The following UBE2D1 variants were observed in gnomAD, a reference collection of about 807,000 sequenced individuals.
UBE2D1 encodes ubiquitin-conjugating enzyme E2 D1.
Under a neutral mutation model 24.6 loss-of-function variants are expected in UBE2D1, and 9 were observed. The observed-to-expected ratio is 0.37, with a 90% confidence interval of 0.22 to 0.64. The LOEUF (loss-of-function observed/expected upper bound fraction) is 0.64. UBE2D1 is among the 30% of genes least tolerant of loss of function. UBE2D1 has a pLI of 0.64. For synonymous variants in UBE2D1, 57 were observed against 57.6 expected (o/e 0.99, Z 0.04); for missense variants, 87 against 177.1 (o/e 0.49, Z 2.89).
Position 58,363,303 on chromosome 10 carries a change from T to C in UBE2D1, c.121-306T>C, listed in dbSNP as rs1190099346. On this transcript the variant is annotated intron_variant, in intron 3 of 6. Transcript: ENST00000373910. ...ACTGATCTTTAACAATTTGTACTCA[T>C]AACCAGATTTGTTTGGACAAGTCAC... Among the ~76,000 whole-genome samples the C allele has an allele frequency of 2.0e-5, 3 of 152,160 alleles. 1 individual carries two copies. Among genetic ancestry groups the C allele is most frequent in the Non-Finnish European group, 4.4e-5 (3 of 67,988 alleles).
chr10:58,352,526 A>T (rs1564559878), intron 1 of UBE2D1, among the ~76,000 whole-genome samples: 2 of 151,916 alleles, frequency 1.3e-5, no homozygotes, highest in Non-Finnish European at 2.9e-5. Context: ...GGGCGGGAGG[A>T]TTGCTTGAGC....
At chr10:58,352,813 A>G (rs1017745551) in intron 1 of UBE2D1, among the ~76,000 whole-genome samples, 1 of 152,128 alleles carries the variant, frequency 6.6e-6, no homozygotes, top group African/African-American at 2.4e-5. Context: ...TATTTTTACT[A>G]GTTCCTTATT....
intron 5 of UBE2D1, among the ~76,000 whole-genome samples, chr10:58,366,118 G>A (rs533428695): frequency 9.9e-5 from 15 of 152,200 alleles, no homozygotes; most frequent in African/African-American, 3.1e-4. Flanking sequence ...AAGTTCATAC[G>A]CTGTTTCCTG....
chr10:58,349,164 T>C (rs1038468745), intron 1 of UBE2D1, among the ~76,000 whole-genome samples: 43 of 152,262 alleles, frequency 2.8e-4, no homozygotes, highest in African/African-American at 1.0e-3. Flanking sequence ...TTTATAGTTC[T>C]AGTCATGATA....
At chr10:58,342,461 T>G (rs1839971333) in intron 1 of UBE2D1, among the ~76,000 whole-genome samples, 1 of 152,150 alleles carries the variant, frequency 6.6e-6, no homozygotes, top group Non-Finnish European at 1.5e-5. Context: ...GCCACCCTCC[T>G]TATGCGAGCA....
chr10:58,362,686 T>C (rs1840213307), intron 3 of UBE2D1, among the ~76,000 whole-genome samples: 1 of 152,122 alleles, frequency 6.6e-6, no homozygotes, highest in African/African-American at 2.4e-5. Flanking sequence ...TTGTAATTTA[T>C]CTTCATTTTC....
chr10:58,355,347 A>G (rs1840120186), intron 1 of UBE2D1, among the ~76,000 whole-genome samples: 1 of 152,228 alleles, frequency 6.6e-6, no homozygotes, highest in African/African-American at 2.4e-5. Context: ...GAAATAAAGT[A>G]GAAGAGTGAA....
At chr10:58,361,628 G>C in intron 3 of UBE2D1, 102 bp downstream of exon 3, 2 of 1,517,448 alleles carry the variant, frequency 1.3e-6, no homozygotes, top group South Asian at 1.1e-5. Flanking sequence ...GAATATTCTT[G>C]TACTTTGAAT....
intron 1 of UBE2D1, among the ~76,000 whole-genome samples, chr10:58,353,354 TC>T (rs1286311790): frequency 6.6e-6 from 1 of 152,176 alleles, no homozygotes; most frequent in Non-Finnish European, 1.5e-5. Flanking sequence ...AAAATCTCTG[TC>T]CACGCCACAG....
intron 1 of UBE2D1, among the ~76,000 whole-genome samples, chr10:58,351,568 G>A (rs898110481): frequency 3.9e-5 from 6 of 152,232 alleles, no homozygotes; most frequent in East Asian, 3.9e-4. Flanking sequence ...TGGAGTTGTC[G>A]TCTCCTCTGA....
intron 1 of UBE2D1, among the ~76,000 whole-genome samples, chr10:58,349,923 G>C (rs1840054720): frequency 6.6e-6 from 1 of 152,064 alleles, no homozygotes; most frequent in South Asian, 2.1e-4. Flanking sequence ...TTTTGTCTCT[G>C]GCTGCTTTTG....
rs549704112 is a variant in UBE2D1, at chr10:58,370,155, T to A, written c.*1390T>A. 1.3e-5 allele frequency: 2 copies of A among 152,128 alleles called. No individual in the cohort carries two copies. Among genetic ancestry groups the A allele is most frequent in the South Asian group, 4.1e-4 (2 of 4,830 alleles). 9.4% of individuals were successfully genotyped at this position (152,128 alleles called of 1,614,324 possible). ...AAGTGATTTAAATAAGCAGGTTATC[T>A]TTATAGATTTTAAAGAAAACTAGAA... On this transcript the variant is annotated 3_prime_UTR_variant, in exon 7 of 7. Transcript: ENST00000373910.
intron 1 of UBE2D1, among the ~76,000 whole-genome samples, chr10:58,337,723 A>G (rs1839918012): frequency 1.3e-5 from 2 of 152,082 alleles, no homozygotes; most frequent in African/African-American, 4.8e-5. Context: ...CTATAAATGG[A>G]GAGATGTTGA....
At chr10:58,352,324 C>T (rs1449895463) in intron 1 of UBE2D1, among the ~76,000 whole-genome samples, 2 of 152,084 alleles carry the variant, frequency 1.3e-5, no homozygotes, top group Non-Finnish European at 1.5e-5. Context: ...TGTATTAAGG[C>T]TTTGCAGAGC....
intron 1 of UBE2D1, among the ~76,000 whole-genome samples, chr10:58,346,221 A>G (rs938566628): frequency 6.6e-5 from 10 of 152,160 alleles, no homozygotes; most frequent in Non-Finnish European, 1.2e-4. Flanking sequence ...CATGTTGGTC[A>G]GGCTGGTCTC....
At chr10:58,340,978 C>T (rs1233358222) in intron 1 of UBE2D1, among the ~76,000 whole-genome samples, 1 of 152,156 alleles carries the variant, frequency 6.6e-6, no homozygotes, top group African/African-American at 2.4e-5. Flanking sequence ...AAGACCTTGG[C>T]ATATTTGATC....
At chr10:58,366,432 T>G (rs1241326751) in intron 5 of UBE2D1, among the ~76,000 whole-genome samples, 5 of 152,116 alleles carry the variant, frequency 3.3e-5, no homozygotes, top group Non-Finnish European at 7.4e-5. Context: ...AGGATAGACA[T>G]GGTTTGTGTG....
intron 1 of UBE2D1, among the ~76,000 whole-genome samples, chr10:58,354,513 G>C (rs763973091): frequency 2.0e-5 from 3 of 151,178 alleles, no homozygotes; most frequent in Admixed American, 1.3e-4. Context: ...GTTTGTTTCT[G>C]TGGGTTATTT....
At chr10:58,368,175 G>A (rs1840277574) in intron 6 of UBE2D1, 159 bp downstream of exon 6, 3 of 536,878 alleles carry the variant, frequency 5.6e-6, no homozygotes, top group Non-Finnish European at 9.8e-6. Flanking sequence ...TGAGAACTCT[G>A]TTAGACCTTT....
Sources: allele counts gnomAD v4.1 joint callset (sites outside exome capture counted in the v4.1 genomes callset), GRCh38; gene constraint gnomAD v4.1.1; transcripts MANE v1.5; gene names NCBI Gene and HGNC (gene_info 2026-07-23, HGNC 2026-07-21).